Variants in NIM1K observed in about 807,000 individuals in gnomAD.
NIM1K encodes NIM1 serine/threonine protein kinase.
NIM1K carries 35 observed loss-of-function variants against 37.1 expected under a neutral mutation model. The ratio of observed to expected loss-of-function variants is 0.94; its 90% CI spans 0.72 to 1.25. NIM1K has a LOEUF of 1.25. Ranked by LOEUF, NIM1K falls within the 50% of genes most tolerant of loss-of-function variation. The pLI is 0.00. For missense variants in NIM1K, 564 were observed against 548.0 expected, an observed-to-expected ratio of 1.03 and a Z score of -0.29; for synonymous variants, 234 against 206.6, an observed-to-expected ratio of 1.13 and a Z score of -1.14.
chr5:43,268,729 T>G (rs1385522707), intron 2 of NIM1K, among the ~76,000 whole-genome samples: 1 of 152,064 alleles, frequency 6.6e-6, no homozygotes, highest in African/African-American at 2.4e-5. Flanking sequence ...CTAAGTCTGG[T>G]GGTTTCTCAT....
chr5:43,269,491 G>T (rs900016121), intron 2 of NIM1K, among the ~76,000 whole-genome samples: 1 of 151,960 alleles, frequency 6.6e-6, no homozygotes, highest in Non-Finnish European at 1.5e-5. Flanking sequence ...CAATCTGTAT[G>T]TTTTCAGTGG....
intron 1 of NIM1K, chr5:43,206,961 T>A (rs1203916922): frequency 1.3e-6 from 1 of 761,994 alleles, no homozygotes; most frequent in East Asian, 2.5e-5. Context: ...AAAGAAGAGA[T>A]CGACGGTATT....
At chr5:43,235,284 A>T (rs1752605383) in intron 1 of NIM1K, among the ~76,000 whole-genome samples, 2 of 152,234 alleles carry the variant, frequency 1.3e-5, no homozygotes, top group Admixed American at 6.5e-5. Context: ...CTATTTTGTT[A>T]TTTATTATGC....
intron 1 of NIM1K, among the ~76,000 whole-genome samples, chr5:43,225,098 T>C (rs1341029881): frequency 6.6e-6 from 1 of 152,080 alleles, no homozygotes; most frequent in Non-Finnish European, 1.5e-5. Context: ...TGATTAGCGA[T>C]TGACTATATA....
intron 2 of NIM1K, among the ~76,000 whole-genome samples, chr5:43,259,744 G>T (rs567097218): frequency 6.6e-6 from 1 of 152,046 alleles, no homozygotes; most frequent in African/African-American, 2.4e-5. Flanking sequence ...TTGCCTGTTT[G>T]CTTTGATGAT....
chr5:43,255,168 T>G (rs903266245), intron 2 of NIM1K, among the ~76,000 whole-genome samples: 1 of 152,170 alleles, frequency 6.6e-6, no homozygotes, highest in African/African-American at 2.4e-5. Flanking sequence ...GACTCTGTGG[T>G]AACATGGAAG....
chr5:43,253,869 G>A (rs2112273635), intron 2 of NIM1K, among the ~76,000 whole-genome samples: 1 of 152,094 alleles, frequency 6.6e-6, no homozygotes, highest in South Asian at 2.1e-4. Flanking sequence ...CACCATCTTG[G>A]CCAGGCTGGT....
intron 1 of NIM1K, among the ~76,000 whole-genome samples, chr5:43,215,968 C>T (rs1365011347): frequency 6.6e-6 from 1 of 152,156 alleles, no homozygotes; most frequent in African/African-American, 2.4e-5. Context: ...GTTTTCCTGG[C>T]TCCCCAGGAA....
At chr5:43,222,522 A>G (rs1390054613) in intron 1 of NIM1K, among the ~76,000 whole-genome samples, 2 of 152,084 alleles carry the variant, frequency 1.3e-5, no homozygotes, top group Non-Finnish European at 2.9e-5. Flanking sequence ...TAAGCCCAAG[A>G]GTCAAAGTCA....
At chr5:43,261,895 C>A (rs942209457) in intron 2 of NIM1K, among the ~76,000 whole-genome samples, 1 of 152,082 alleles carries the variant, frequency 6.6e-6, no homozygotes, top group Admixed American at 6.6e-5. Context: ...TTTTTGTCAG[C>A]TTTGTCAAAG....
At chr5:43,266,081 A>T (rs550683619) in intron 2 of NIM1K, among the ~76,000 whole-genome samples, 1 of 152,166 alleles carries the variant, frequency 6.6e-6, no homozygotes, top group Admixed American at 6.6e-5. Context: ...GACCCACTTG[A>T]GGAGGAAGTC....
intron 1 of NIM1K, among the ~76,000 whole-genome samples, chr5:43,218,064 T>A (rs1425830482): frequency 6.6e-6 from 1 of 151,040 alleles, no homozygotes; most frequent in Non-Finnish European, 1.5e-5. Context: ...CAGGCTGGAG[T>A]GCAGTGGCTC....
chr5:43,224,692 A>C (rs1752427685), intron 1 of NIM1K, among the ~76,000 whole-genome samples: 1 of 114,952 alleles, frequency 8.7e-6, no homozygotes, highest in Non-Finnish European at 1.7e-5. Context: ...AGCAATAACA[A>C]GTGAATTTTT....
chr5:43,280,057 C>T lies in NIM1K; in HGVS notation c.639C>T (p.Gly213=), dbSNP rs1368386873. 2 of 1,613,862 alleles carry T rather than the reference C, an allele frequency of 1.2e-6. No individual in the cohort carries two copies. Among genetic ancestry groups the T allele is most frequent in the African/African-American group, 1.3e-5 (1 of 74,860 alleles). Residue 213 remains glycine, a synonymous_variant, in exon 4 of 4, where the codon GGC becomes GGT. Transcript: ENST00000326035. ...FYTSNTCVKV[G]DFGFSTVSKK... ...CCAGTAATACTTGTGTGAAGGTGGG[C>T]GATTTTGGATTCAGCACAGTAAGCA...
chr5:43,200,758 G>A lies in NIM1K; in HGVS notation c.-695+8347G>A, dbSNP rs187888291. On this transcript the variant is annotated intron_variant, in intron 1 of 3. Transcript: ENST00000326035. Reference sequence around the variant, plus strand: ...ACAAAGAGTTGAGGTCAGCTGGTCCGGATGGAGAGGAAATAATATGGGGAA... The same window carrying A: ...ACAAAGAGTTGAGGTCAGCTGGTCCAGATGGAGAGGAAATAATATGGGGAA... Among the ~76,000 whole-genome samples the A allele has an allele frequency of 1.5e-3, 223 of 152,264 alleles. 1 individual carries two copies. The highest frequency in any genetic ancestry group is 5.0e-3 in the African/African-American group (206 of 41,566).
At chr5:43,260,455 T>C (rs2112282916) in intron 2 of NIM1K, among the ~76,000 whole-genome samples, 1 of 152,344 alleles carries the variant, frequency 6.6e-6, no homozygotes. Context: ...CTGGGTTTTG[T>C]CATGACATTG....
rs767572138 is a variant in NIM1K, at chr5:43,213,213, CTTT to C, written c.-695+20803_-695+20805del. ...TCTTTCTTTCTTTCTTTCTTTCTTT[CTTT>C]CTTTCTTTCCTTCTTTTCTTCCTTT... is the stretch of plus-strand genomic sequence containing the variant. On this transcript the variant is annotated intron_variant, in intron 1 of 3. Coordinates refer to ENST00000326035, the MANE Select transcript of NIM1K (RefSeq NM_153361.4). Among the ~76,000 whole-genome samples the C allele has an allele frequency of 3.7e-3, 171 of 45,644 alleles. 2 individuals are homozygous for C. The highest frequency in any genetic ancestry group is 0.012 in the African/African-American group (154 of 12,436). The allele number at this position is 45,644 out of a possible 152,430, so 29.9% of individuals were successfully genotyped here.
intron 1 of NIM1K, among the ~76,000 whole-genome samples, chr5:43,215,487 T>G (rs980247304): frequency 1.3e-5 from 2 of 152,100 alleles, no homozygotes; most frequent in Non-Finnish European, 2.9e-5. Context: ...CAGGCTGGAG[T>G]GTAGTGGCGC....
intron 1 of NIM1K, chr5:43,207,951 A>T: frequency 1.6e-6 from 1 of 606,546 alleles, no homozygotes; most frequent in Non-Finnish European, 2.1e-6. Context: ...TTTTAATTTT[A>T]AAAAGCAAAT....
Sources: gnomAD v4.1 joint callset for allele counts (sites outside exome capture counted in the v4.1 genomes callset) on GRCh38, gnomAD v4.1.1 for gene constraint, MANE v1.5 for transcripts, NCBI Gene and HGNC (gene_info 2026-07-23, HGNC 2026-07-21) for gene names.